Variants in STYXL1 observed in about 807,000 individuals in gnomAD.
STYXL1 encodes the protein serine/threonine/tyrosine interacting like 1, also known as serine/threonine/tyrosine-interacting-like protein 1.
A neutral mutation model predicts 36.4 loss-of-function variants in STYXL1; 32 were observed. That is an observed-to-expected ratio of 0.88 (90% CI 0.66 to 1.18). The LOEUF is 1.18. STYXL1 is among the 50% of genes most tolerant of loss of function. The pLI is 0.00. For synonymous variants in STYXL1, 133 were observed against 144.1 expected (o/e 0.92, Z 0.55); for missense variants, 354 against 394.1 (o/e 0.90, Z 0.86).
intron 3 of STYXL1, 91 bp from the exon 4 acceptor site, chr7:76,022,083 A>C: frequency 2.6e-6 from 4 of 1,535,506 alleles, no homozygotes; most frequent in South Asian, 2.5e-5. Flanking sequence ...CACTGGGAGG[A>C]GCTAAGACCG....
intron 1 of STYXL1, among the ~76,000 whole-genome samples, chr7:76,032,390 C>A (rs1554579623): frequency 2.0e-5 from 2 of 100,372 alleles, no homozygotes; most frequent in African/African-American, 3.8e-5. Flanking sequence ...CAGAGTGAGA[C>A]CCTGTCTTGA....
chr7:76,004,852 C>G (rs1791457693), intron 6 of STYXL1, among the ~76,000 whole-genome samples: 1 of 151,254 alleles, frequency 6.6e-6, no homozygotes, highest in Non-Finnish European at 1.5e-5. Flanking sequence ...ATACAAAAAA[C>G]TAGCTGGGCG....
chr7:76,007,869 C>T (rs1282975591), intron 5 of STYXL1, among the ~76,000 whole-genome samples: 3 of 148,080 alleles, frequency 2.0e-5, no homozygotes, highest in African/African-American at 7.5e-5. Flanking sequence ...GAGTTATGAC[C>T]GCATCACTGC....
intron 3 of STYXL1, among the ~76,000 whole-genome samples, chr7:76,022,618 T>C (rs1256151077): frequency 6.6e-6 from 1 of 152,128 alleles, no homozygotes; most frequent in Non-Finnish European, 1.5e-5. Flanking sequence ...TGAGCTGCGA[T>C]TGTGTCACTG....
intron 1 of STYXL1, among the ~76,000 whole-genome samples, chr7:76,036,962 T>C (rs1256444033): frequency 1.3e-5 from 2 of 148,832 alleles, no homozygotes; most frequent in Non-Finnish European, 3.0e-5. Flanking sequence ...TTTTTTGTAT[T>C]TTTAGTAGAG....
chr7:76,036,684 C>G (rs1406058809), intron 1 of STYXL1, among the ~76,000 whole-genome samples: 1 of 144,066 alleles, frequency 6.9e-6, no homozygotes. Flanking sequence ...CGCCAGGCTA[C>G]CAAGTCTCAT....
chr7:76,027,587 C>T (rs1214366739), intron 3 of STYXL1, among the ~76,000 whole-genome samples: 2 of 151,312 alleles, frequency 1.3e-5, no homozygotes, highest in East Asian at 1.9e-4. Flanking sequence ...CACCCCTGCC[C>T]GGGTGACAGA....
chr7:76,013,326 A>AC (rs1323288846), intron 5 of STYXL1, among the ~76,000 whole-genome samples: 5 of 106,364 alleles, frequency 4.7e-5, no homozygotes, highest in Admixed American at 9.9e-5. Context: ...ACTCCGTCTC[A>AC]AAAAAAAAAA....
In STYXL1 at chr7:75,997,171, C is replaced by CA. The variant is rs538588548; in HGVS notation, c.811-573_811-572insT. Among the ~76,000 whole-genome samples the CA allele has an allele frequency of 3.6e-3, 555 of 152,336 alleles. 2 individuals are homozygous for CA. The highest frequency in any genetic ancestry group is 7.9e-3 in the Admixed American group (121 of 15,294). On this transcript the variant is annotated intron_variant, in intron 8 of 8. Transcript: ENST00000359697. ...AAATGGCCAGGCACAGTGGCTCATG[C>CA]CTGTAATCCTGGCACTTTGGGGGGC... is the stretch of plus-strand genomic sequence containing the variant.
intron 8 of STYXL1, chr7:75,998,399 G>C: frequency 6.6e-6 from 1 of 151,830 alleles, no homozygotes; most frequent in East Asian, 1.9e-4. Flanking sequence ...CTGGGTTCAA[G>C]TGATCCTTGT....
chr7:76,036,206 T>A (rs1233903240), intron 1 of STYXL1, among the ~76,000 whole-genome samples: 1 of 150,110 alleles, frequency 6.7e-6, no homozygotes, highest in Non-Finnish European at 1.5e-5. Flanking sequence ...GTTCGAGTGA[T>A]TCTCTCACCT....
chr7:76,031,302 G>A lies in STYXL1; in HGVS notation c.-4-775C>T, dbSNP rs78207412. 0.017 allele frequency among the ~76,000 whole-genome samples: 1,910 copies of A among 115,120 alleles called. 68 individuals carry two copies. In the East Asian group the frequency reaches 0.17, roughly 10 times the overall value. 75.5% of individuals were successfully genotyped at this position (115,120 alleles called of 152,430 possible). A position where few individuals can be genotyped will look rare whatever the true frequency, so the allele number is the denominator to read the frequency against. On this transcript the variant is annotated intron_variant, in intron 1 of 8. Coordinates refer to ENST00000359697, the MANE Select transcript of STYXL1 (RefSeq NM_001317785.2). ...GCCGGAATCATGCCATTGCACTCCA[G>A]CCTGGGGGACAGAGTGAGACTCTGT... is the stretch of plus-strand genomic sequence containing the variant.
intron 4 of STYXL1, among the ~76,000 whole-genome samples, chr7:76,016,440 C>T (rs929257799): frequency 5.4e-5 from 8 of 147,458 alleles, no homozygotes; most frequent in African/African-American, 1.1e-4. Context: ...TACATATATA[C>T]GCATATATAC....
chr7:76,046,308 G>C (rs1554583484), intron 1 of STYXL1, among the ~76,000 whole-genome samples: 1 of 80,014 alleles, frequency 1.2e-5, no homozygotes, highest in African/African-American at 4.7e-5. Flanking sequence ...GTGTGTGTGT[G>C]TGTGTGTGTG....
chr7:76,046,984 G>A (rs1777936265), intron 1 of STYXL1, among the ~76,000 whole-genome samples: 1 of 151,288 alleles, frequency 6.6e-6, no homozygotes, highest in Non-Finnish European at 1.5e-5. Context: ...GTATCAGGCC[G>A]GGCGCGGTGG....
intron 7 of STYXL1, 120 bp downstream of exon 7, chr7:76,003,638 C>G: frequency 1.1e-6 from 1 of 880,496 alleles, no homozygotes. Flanking sequence ...CCGAGCTGGG[C>G]CCTTTCTCTC....
At position 76,030,340 on chromosome 7, in the gene STYXL1, G is replaced by A. The variant is rs1425823390; in HGVS notation, c.103+81C>T. On this transcript the variant is annotated intron_variant, in intron 2 of 8. Transcript: ENST00000359697. ...AAAGTCATTCACTGCCCCCCACCCCGCCAAAAGTTTGTTAACTCATCAAAA... is the reference window on the plus strand; with the variant it reads ...AAAGTCATTCACTGCCCCCCACCCCACCAAAAGTTTGTTAACTCATCAAAA... 1.3e-5 allele frequency: 13 copies of A among 994,800 alleles called. No homozygotes were observed. The East Asian group carries it at 1.7e-4, about 13-fold the overall frequency. 61.6% of individuals were successfully genotyped at this position (994,800 alleles called of 1,614,324 possible).
intron 3 of STYXL1, among the ~76,000 whole-genome samples, chr7:76,024,751 C>T (rs371373054): frequency 1.3e-5 from 2 of 151,948 alleles, no homozygotes; most frequent in South Asian, 2.1e-4. Context: ...GAGTTTGAGA[C>T]CAGCCTGACC....
rs1449459870 is a variant in STYXL1 at position 76,036,650 on chromosome 7, T to A, written c.-4-6123A>T. Among the ~76,000 whole-genome samples the A allele has an allele frequency of 2.6e-4, 7 of 26,692 alleles. No individual in the cohort carries two copies. In the East Asian group the frequency reaches 4.0e-3, roughly 15 times the overall value. The allele number at this position is 26,692 out of a possible 152,430, so 17.5% of individuals were successfully genotyped here. A position where few individuals can be genotyped will look rare whatever the true frequency, so the allele number is the denominator to read the frequency against. On this transcript the variant is annotated intron_variant, in intron 1 of 8. Coordinates refer to ENST00000359697, the MANE Select transcript of STYXL1 (RefSeq NM_001317785.2). The stretch of plus-strand genomic sequence containing the variant: ...CAAGATCAAGTCTTTTCCATGTGAA[T>A]TTTTTTTTTTTTTTGAGCCACCTCG...
Sources: gnomAD v4.1 joint callset for allele counts (sites outside exome capture counted in the v4.1 genomes callset) on GRCh38, gnomAD v4.1.1 for gene constraint, MANE v1.5 for transcripts, NCBI Gene and HGNC (gene_info 2026-07-23, HGNC 2026-07-21) for gene names.